The following PIAS2 variants were observed in gnomAD, a reference collection of about 807,000 sequenced individuals.
The protein encoded by PIAS2 is protein inhibitor of activated STAT 2, also known as E3 SUMO-protein ligase PIAS2.
Under a neutral mutation model 69.7 loss-of-function variants are expected in PIAS2, and 19 were observed. The observed-to-expected ratio is 0.27, with a 90% CI of 0.19 to 0.40. The LOEUF is 0.40. PIAS2 is among the 10% of genes least tolerant of loss of function. The pLI is 1.00. For missense variants in PIAS2, 624 were observed against 757.0 expected (o/e 0.82, Z 2.06); for synonymous variants, 261 against 263.2 (o/e 0.99, Z 0.08).
chr18:46,911,808 G>A (rs935018142), intron 1 of PIAS2, among the ~76,000 whole-genome samples: 1 of 152,340 alleles, frequency 6.6e-6, no homozygotes, highest in East Asian at 1.9e-4. Context: ...CACTTTGGGA[G>A]GCCAAGGGAG....
intron 2 of PIAS2, among the ~76,000 whole-genome samples, chr18:46,881,749 A>G (rs1238402233): frequency 6.6e-6 from 1 of 152,212 alleles, no homozygotes; most frequent in Non-Finnish European, 1.5e-5. Flanking sequence ...TTACCTCCCT[A>G]ACTGTGTAAC....
intron 5 of PIAS2, among the ~76,000 whole-genome samples, chr18:46,848,205 T>A (rs1446433724): frequency 6.6e-6 from 1 of 152,210 alleles, no homozygotes; most frequent in African/African-American, 2.4e-5. Flanking sequence ...CACTAATGTC[T>A]CAGATTTCTC....
At position 46,855,597 on chromosome 18, in the gene PIAS2, A is replaced by G; in HGVS notation, c.603T>C (p.Gly201=). Reference sequence around the variant, plus strand: ...GAACTTGGACTGTATAATCTCTCCTACCACCTGGCAAAAAATCCCTGTTGG... The same window carrying G: ...GAACTTGGACTGTATAATCTCTCCTGCCACCTGGCAAAAAATCCCTGTTGG... ...ICISRDFLPG[G]RRDYTVQVQL... Residue 201 remains glycine (G), a synonymous_variant, in exon 4 of 14, where the codon GGT becomes GGC. Coordinates refer to ENST00000585916, the MANE Select transcript of PIAS2 (RefSeq NM_004671.5). 1 of 1,613,480 alleles carries G rather than the reference A, an allele frequency of 6.2e-7. No individual in the cohort carries two copies. Among genetic ancestry groups the G allele is most frequent in the Non-Finnish European group, 8.5e-7 (1 of 1,179,538 alleles).
intron 12 of PIAS2, chr18:46,815,623 T>C (rs1290828051): frequency 2.7e-6 from 3 of 1,091,190 alleles, no homozygotes; most frequent in South Asian, 3.7e-5. Context: ...AAACAAATAT[T>C]TCCCCCTTTG....
chr18:46,850,672 C>G (rs1042091568), intron 5 of PIAS2, among the ~76,000 whole-genome samples: 1 of 152,126 alleles, frequency 6.6e-6, no homozygotes, highest in African/African-American at 2.4e-5. Flanking sequence ...CAAGATTGAT[C>G]AGGAGTTCAG....
intron 1 of PIAS2, among the ~76,000 whole-genome samples, chr18:46,898,301 C>T (rs1568827383): frequency 6.6e-6 from 1 of 152,078 alleles, no homozygotes; most frequent in Non-Finnish European, 1.5e-5. Flanking sequence ...GCACACACCA[C>T]CACACCTGGC....
chr18:46,870,043 G>A (rs995989680), intron 2 of PIAS2, among the ~76,000 whole-genome samples: 2 of 151,884 alleles, frequency 1.3e-5, no homozygotes, highest in African/African-American at 4.8e-5. Context: ...AGGTGCACAG[G>A]ACCCCCTTCA....
chr18:46,886,838 C>A (rs972597236), intron 2 of PIAS2, among the ~76,000 whole-genome samples: 3 of 151,530 alleles, frequency 2.0e-5, no homozygotes, highest in African/African-American at 4.9e-5. Flanking sequence ...ACTCTGTCCC[C>A]CCCCTCCAAA....
At chr18:46,853,226 A>G (rs2047237219) in intron 5 of PIAS2, 1 of 147,214 alleles carries the variant, frequency 6.8e-6, no homozygotes, top group Non-Finnish European at 1.5e-5. Flanking sequence ...CTGCAGAGTG[A>G]GCCGAGACTA....
intron 1 of PIAS2, among the ~76,000 whole-genome samples, chr18:46,892,868 T>C (rs1358404169): frequency 1.4e-5 from 2 of 148,054 alleles, no homozygotes; most frequent in Non-Finnish European, 3.0e-5. Flanking sequence ...TCAATTTTTG[T>C]AATTTAAAAA....
intron 2 of PIAS2, among the ~76,000 whole-genome samples, chr18:46,877,987 C>G (rs2051526386): frequency 6.6e-6 from 1 of 152,094 alleles, no homozygotes; most frequent in Non-Finnish European, 1.5e-5. Flanking sequence ...TTATCAATTC[C>G]AAGTATTCAG....
chr18:46,884,742 C>T (rs780551062), intron 2 of PIAS2, among the ~76,000 whole-genome samples: 34 of 151,920 alleles, frequency 2.2e-4, no homozygotes, highest in Non-Finnish European at 4.6e-4. Flanking sequence ...ATGAAGAAAC[C>T]CTGTCTCTAC....
chr18:46,844,181 A>T (rs952687769), intron 7 of PIAS2, 54 bp from the exon 8 acceptor site: 4 of 892,876 alleles, frequency 4.5e-6, no homozygotes, highest in Non-Finnish European at 5.0e-6. Context: ...TGACAAAGAA[A>T]TGGAATTATA....
At chr18:46,828,955 G>A (rs569459954) in intron 10 of PIAS2, among the ~76,000 whole-genome samples, 7 of 152,300 alleles carry the variant, frequency 4.6e-5, no homozygotes, top group South Asian at 4.1e-4. Context: ...AGTGTCAATC[G>A]CAGAGGAATA....
At position 46,844,069 on chromosome 18, in the gene PIAS2, T is replaced by C. The variant is rs1471194955; in HGVS notation, c.1026A>G (p.Val342=). Reference sequence around the variant, plus strand: ...CTTTACTTACAGGGCACATCAAGGATACCCGAAGGCTAGTTGTAGCAATTT... The same window carrying C: ...CTTTACTTACAGGGCACATCAAGGACACCCGAAGGCTAGTTGTAGCAATTT... ...DSEIATTSLR[V]SLMCPLGKMR... Residue 342 remains valine (V), a synonymous_variant, in exon 8 of 14, where the codon GTA becomes GTG. Coordinates refer to ENST00000585916, the MANE Select transcript of PIAS2 (RefSeq NM_004671.5). 1 of 1,535,308 alleles carries C rather than the reference T, an allele frequency of 6.5e-7. No homozygotes were observed.
Position 46,916,109 on chromosome 18 carries a change from TTAA to T in PIAS2, c.24+1210_24+1212del, listed in dbSNP as rs1172313721. On this transcript the variant is annotated intron_variant, in intron 1 of 13. Coordinates refer to ENST00000585916, the MANE Select transcript of PIAS2 (RefSeq NM_004671.5). ...GTATTAATATGTGTTTACTGGGAACTTAATAATTATTTTTGAAACAGCAGGAGG... is the reference window on the plus strand; with the variant it reads ...GTATTAATATGTGTTTACTGGGAACTTAATTATTTTTGAAACAGCAGGAGG... 3.9e-5 allele frequency among the ~76,000 whole-genome samples: 6 copies of T among 152,204 alleles called. No homozygotes were observed. In the East Asian group the frequency reaches 1.2e-3, roughly 29 times the overall value.
At chr18:46,817,237 T>G in intron 12 of PIAS2, 1 of 982,804 alleles carries the variant, frequency 1.0e-6, no homozygotes, top group South Asian at 4.7e-5. Flanking sequence ...CTGAAACCTT[T>G]TTATAACGCT....
chr18:46,841,051 C>T (rs1451106714), intron 8 of PIAS2, among the ~76,000 whole-genome samples: 2 of 151,856 alleles, frequency 1.3e-5, no homozygotes, highest in African/African-American at 2.4e-5. Context: ...TTCTCTCCCC[C>T]AGCTACCCAG....
chr18:46,847,423 A>G (rs1421318502), intron 5 of PIAS2, among the ~76,000 whole-genome samples: 2 of 152,084 alleles, frequency 1.3e-5, no homozygotes, highest in East Asian at 3.8e-4. Context: ...AATGAGCCTG[A>G]TGGCTATCAA....
Sources: allele counts gnomAD v4.1 joint callset (sites outside exome capture counted in the v4.1 genomes callset), GRCh38; gene constraint gnomAD v4.1.1; transcripts MANE v1.5; gene names NCBI Gene and HGNC (gene_info 2026-07-23, HGNC 2026-07-21).